The following LRRC7 variants were observed in gnomAD, a reference collection of about 807,000 sequenced individuals.
The protein encoded by LRRC7 is leucine-rich repeat-containing protein 7.
LRRC7 carries 23 observed loss-of-function variants against 175.7 expected under a neutral mutation model. The ratio of observed to expected loss-of-function variants is 0.13; its 90% CI spans 0.09 to 0.19. LRRC7 has a LOEUF of 0.19. Ranked by LOEUF, LRRC7 falls within the 10% of genes least tolerant of loss-of-function variation. LRRC7 has a pLI of 1.00. For missense variants in LRRC7, 1,354 were observed against 1,904.7 expected, an observed-to-expected ratio of 0.71 and a Z score of 5.38; for synonymous variants, 685 against 680.9, an observed-to-expected ratio of 1.01 and a Z score of -0.09.
chr1:69,814,232 T>C (rs895000897), intron 4 of LRRC7, among the ~76,000 whole-genome samples: 1 of 152,092 alleles, frequency 6.6e-6, no homozygotes, highest in Non-Finnish European at 1.5e-5. Flanking sequence ...ATATCTATTC[T>C]CATCTGTAAA....
At chr1:70,117,251 T>G (rs1188599666) in intron 26 of LRRC7, among the ~76,000 whole-genome samples, 1 of 152,210 alleles carries the variant, frequency 6.6e-6, no homozygotes, top group Non-Finnish European at 1.5e-5. Context: ...ATTTTTAAGC[T>G]TAGAGCTTTG....
At chr1:70,094,692 C>T (rs1344084465) in intron 25 of LRRC7, among the ~76,000 whole-genome samples, 1 of 152,060 alleles carries the variant, frequency 6.6e-6, no homozygotes, top group East Asian at 1.9e-4. Context: ...AAGAAGGACC[C>T]TTAGACATGC....
chr1:69,707,222 C>G lies in LRRC7; in HGVS notation c.100+28744C>G, dbSNP rs550797747. Among the ~76,000 whole-genome samples, 5 of 152,306 alleles carry G rather than the reference C, an allele frequency of 3.3e-5. No individual in the cohort carries two copies. In the East Asian group the frequency reaches 9.7e-4, roughly 29 times the overall value. On this transcript the variant is annotated intron_variant, in intron 2 of 26. Coordinates refer to ENST00000651989, the MANE Select transcript of LRRC7 (RefSeq NM_001370785.2). ...CATGTAAGTGCAGACACTGTCATATCTGCCTGAGAACAGTCTTTCGGCTTG... is the reference window on the plus strand; with the variant it reads ...CATGTAAGTGCAGACACTGTCATATGTGCCTGAGAACAGTCTTTCGGCTTG...
At chr1:69,902,039 C>T (rs1030516588) in intron 7 of LRRC7, among the ~76,000 whole-genome samples, 2 of 152,074 alleles carry the variant, frequency 1.3e-5, no homozygotes, top group Non-Finnish European at 2.9e-5. Context: ...AGGGCAGGAA[C>T]TGTGTCTGCT....
chr1:70,016,851 T>C (rs1657004907), intron 14 of LRRC7, among the ~76,000 whole-genome samples: 1 of 152,156 alleles, frequency 6.6e-6, no homozygotes, highest in Non-Finnish European at 1.5e-5. Context: ...TGTACTTTAA[T>C]TATATCTCTG....
At chr1:69,725,749 G>C (rs1012584546) in intron 2 of LRRC7, among the ~76,000 whole-genome samples, 1 of 152,170 alleles carries the variant, frequency 6.6e-6, no homozygotes, top group African/African-American at 2.4e-5. Context: ...TCAAGGCCAT[G>C]ATGGCCAGAG....
chr1:69,852,703 C>T (rs1683121282), intron 7 of LRRC7, among the ~76,000 whole-genome samples: 1 of 152,054 alleles, frequency 6.6e-6, no homozygotes, highest in African/African-American at 2.4e-5. Flanking sequence ...GTTAATTGAA[C>T]ATATTATCAA....
At chr1:69,680,099 G>C (rs1660285205) in intron 2 of LRRC7, among the ~76,000 whole-genome samples, 1 of 152,056 alleles carries the variant, frequency 6.6e-6, no homozygotes, top group South Asian at 2.1e-4. Context: ...CTCAAATTGT[G>C]ATCTCCAGGC....
intron 1 of LRRC7, among the ~76,000 whole-genome samples, chr1:69,669,800 T>G (rs1658803107): frequency 6.6e-6 from 1 of 152,198 alleles, no homozygotes; most frequent in Non-Finnish European, 1.5e-5. Context: ...TTCAAAAGGC[T>G]GTTTTCATGC....
chr1:69,752,206 G>C lies in LRRC7; in HGVS notation c.101-7985G>C, dbSNP rs1570626097. Among the ~76,000 whole-genome samples, 4 of 152,108 alleles carry C rather than the reference G, an allele frequency of 2.6e-5. No homozygotes were observed. In the South Asian group the frequency reaches 8.3e-4, roughly 31 times the overall value. ...AGGTAATGATTTTAAAGATGTTCTT[G>C]AAGTAAGACATGGAACGAGTCTGGC... On this transcript the variant is annotated intron_variant, in intron 2 of 26. Transcript: ENST00000651989.
At chr1:69,722,153 A>T (rs12047691) in intron 2 of LRRC7, among the ~76,000 whole-genome samples, 14,199 of 144,496 alleles carry the variant, frequency 0.098, 795 homozygotes, top group East Asian at 0.22. Flanking sequence ...ATATATATAT[A>T]TTTTCTCCTT....
At chr1:69,766,528 A>C (rs983927257) in intron 3 of LRRC7, among the ~76,000 whole-genome samples, 2 of 152,160 alleles carry the variant, frequency 1.3e-5, no homozygotes, top group South Asian at 4.1e-4. Context: ...TGAGATGTAG[A>C]AAAGTTATAC....
chr1:69,842,422 T>G (rs143285579), intron 7 of LRRC7, among the ~76,000 whole-genome samples: 2 of 152,142 alleles, frequency 1.3e-5, no homozygotes, highest in Non-Finnish European at 2.9e-5. Flanking sequence ...ATGTGTTAAT[T>G]ACGAAACTAT....
chr1:69,856,827 C>G (rs1039906810), intron 7 of LRRC7, among the ~76,000 whole-genome samples: 2 of 152,156 alleles, frequency 1.3e-5, no homozygotes, highest in African/African-American at 4.8e-5. Context: ...GAATTGTAGA[C>G]CAATATCCCT....
chr1:70,103,971 A>T (rs1664975233), intron 25 of LRRC7, among the ~76,000 whole-genome samples: 1 of 152,210 alleles, frequency 6.6e-6, no homozygotes, highest in Non-Finnish European at 1.5e-5. Flanking sequence ...AATGTATTGC[A>T]TCATAATTTG....
At chr1:69,586,188 A>G (rs1415056281) in intron 1 of LRRC7, among the ~76,000 whole-genome samples, 1 of 152,004 alleles carries the variant, frequency 6.6e-6, no homozygotes, top group East Asian at 1.9e-4. Context: ...TGACCTACTT[A>G]AAAGACTTCT....
chr1:69,616,365 T>C (rs1649616649), intron 1 of LRRC7, among the ~76,000 whole-genome samples: 1 of 151,998 alleles, frequency 6.6e-6, no homozygotes, highest in South Asian at 2.1e-4. Context: ...TGGCTAGTAC[T>C]ATACTGTACA....
At chr1:69,750,698 T>G (rs575889213) in intron 2 of LRRC7, among the ~76,000 whole-genome samples, 1 of 152,288 alleles carries the variant, frequency 6.6e-6, no homozygotes, top group Admixed American at 6.5e-5. Flanking sequence ...GATGATGTCT[T>G]ATTGCTGCAT....
intron 1 of LRRC7, among the ~76,000 whole-genome samples, chr1:69,671,019 G>T (rs1658993511): frequency 6.6e-6 from 1 of 152,080 alleles, no homozygotes; most frequent in Non-Finnish European, 1.5e-5. Flanking sequence ...TGGCAAAGCT[G>T]GTACCTAAGG....
Sources: gnomAD v4.1 joint callset for allele counts (sites outside exome capture counted in the v4.1 genomes callset) on GRCh38, gnomAD v4.1.1 for gene constraint, MANE v1.5 for transcripts, NCBI Gene and HGNC (gene_info 2026-07-23, HGNC 2026-07-21) for gene names.